Variants in KIAA1328 observed in about 807,000 individuals in gnomAD.
KIAA1328 encodes protein hinderin.
A neutral mutation model predicts 68.1 loss-of-function variants in KIAA1328; 52 were observed. That is an observed-to-expected ratio of 0.76 (90% CI 0.61 to 0.96). KIAA1328 has a LOEUF of 0.96. KIAA1328 is among the 40% of genes least tolerant of loss of function. The pLI is 0.00. For synonymous variants in KIAA1328, 232 were observed against 239.4 expected (o/e 0.97, Z 0.28); for missense variants, 641 against 677.6 (o/e 0.95, Z 0.60).
chr18:37,188,430 C>A (rs920132865), intron 9 of KIAA1328, among the ~76,000 whole-genome samples: 3 of 152,126 alleles, frequency 2.0e-5, no homozygotes, highest in Non-Finnish European at 4.4e-5. Context: ...AATGGTAATA[C>A]AAACCACCGA....
At chr18:36,897,883 T>C (rs550719345) in intron 5 of KIAA1328, among the ~76,000 whole-genome samples, 7 of 152,168 alleles carry the variant, frequency 4.6e-5, no homozygotes, top group Middle Eastern at 3.4e-3. Flanking sequence ...GGCAGCTTTT[T>C]CCCCCACTTA....
chr18:36,949,688 T>A (rs1449765928), intron 5 of KIAA1328, among the ~76,000 whole-genome samples: 1 of 140,690 alleles, frequency 7.1e-6, no homozygotes, highest in East Asian at 2.2e-4. Flanking sequence ...TTAAATACTC[T>A]AATTAGCTAT....
intron 7 of KIAA1328, among the ~76,000 whole-genome samples, chr18:37,115,818 T>A (rs1409203342): frequency 6.6e-6 from 1 of 152,214 alleles, no homozygotes; most frequent in African/African-American, 2.4e-5. Flanking sequence ...CAGCAAAGTC[T>A]CAGTATACAA....
chr18:36,928,193 T>G (rs977514242), intron 5 of KIAA1328, among the ~76,000 whole-genome samples: 1 of 152,150 alleles, frequency 6.6e-6, no homozygotes, highest in African/African-American at 2.4e-5. Flanking sequence ...AGTATGGTGG[T>G]GGTGATAGTG....
chr18:37,150,477 C>T (rs2154209811), intron 7 of KIAA1328, among the ~76,000 whole-genome samples: 1 of 152,054 alleles, frequency 6.6e-6, no homozygotes, highest in South Asian at 2.1e-4. Flanking sequence ...CTATTCTCAA[C>T]TTCTTTTGTG....
intron 7 of KIAA1328, among the ~76,000 whole-genome samples, chr18:37,067,760 G>A (rs1422938056): frequency 1.3e-5 from 2 of 151,950 alleles, no homozygotes; most frequent in South Asian, 2.1e-4. Flanking sequence ...GGGTTTCACT[G>A]TCTTGGCCAG....
At chr18:37,200,540 G>A (rs990744069) in intron 9 of KIAA1328, among the ~76,000 whole-genome samples, 9 of 152,018 alleles carry the variant, frequency 5.9e-5, no homozygotes, top group Admixed American at 2.6e-4. Flanking sequence ...GGCCGGGCGC[G>A]GTGGCTCACG....
chr18:36,834,253 C>T, intron 1 of KIAA1328, 67 bp from the exon 2 acceptor site: 1 of 1,393,998 alleles, frequency 7.2e-7, no homozygotes, highest in Non-Finnish European at 9.4e-7. Context: ...AAGAGGTATA[C>T]AGAACAGAAG....
intron 7 of KIAA1328, among the ~76,000 whole-genome samples, chr18:37,115,729 T>G (rs2058087138): frequency 6.6e-6 from 1 of 152,230 alleles, no homozygotes; most frequent in Admixed American, 6.5e-5. Flanking sequence ...AAATTGTCCC[T>G]GTTTGCAGAT....
intron 6 of KIAA1328, 100 bp downstream of exon 6, chr18:36,959,535 T>C (rs2051569344): frequency 3.0e-5 from 39 of 1,314,048 alleles, no homozygotes; most frequent in Non-Finnish European, 4.0e-5. Flanking sequence ...GTATATAATA[T>C]TGTTTTAAAA....
chr18:37,054,263 A>C (rs1369430123), intron 6 of KIAA1328, among the ~76,000 whole-genome samples: 1 of 152,188 alleles, frequency 6.6e-6, no homozygotes, highest in Non-Finnish European at 1.5e-5. Context: ...GATTTCTTAA[A>C]GAAGTAAAAC....
intron 7 of KIAA1328, among the ~76,000 whole-genome samples, chr18:37,098,799 T>C (rs1425982085): frequency 6.6e-6 from 1 of 152,224 alleles, no homozygotes; most frequent in Non-Finnish European, 1.5e-5. Flanking sequence ...TGGTTTTGTC[T>C]TGGGAGGGTG....
chr18:36,982,295 A>G (rs1032869691), intron 6 of KIAA1328, among the ~76,000 whole-genome samples: 20 of 151,166 alleles, frequency 1.3e-4, no homozygotes, highest in Admixed American at 7.9e-4. Flanking sequence ...GTGAACCTCA[A>G]ACACATGCAG....
At chr18:36,985,381 T>G (rs2052875687) in intron 6 of KIAA1328, among the ~76,000 whole-genome samples, 1 of 152,168 alleles carries the variant, frequency 6.6e-6, no homozygotes, top group Non-Finnish European at 1.5e-5. Context: ...TTGTAAAATT[T>G]ATATGGAAAT....
intron 7 of KIAA1328, among the ~76,000 whole-genome samples, chr18:37,105,916 CAAAAAAAAA>C (rs58940699): frequency 4.3e-3 from 83 of 19,504 alleles, no homozygotes; most frequent in South Asian, 0.018. Context: ...GACTCTGTGT[CAAAAAAAAA>C]AAAAAAAAAA....
At chr18:37,121,502 C>G (rs943840958) in intron 7 of KIAA1328, among the ~76,000 whole-genome samples, 1 of 151,824 alleles carries the variant, frequency 6.6e-6, no homozygotes, top group Non-Finnish European at 1.5e-5. Flanking sequence ...TTACAAATAA[C>G]CAATTGAGAC....
intron 7 of KIAA1328, among the ~76,000 whole-genome samples, chr18:37,119,612 T>G (rs2058214660): frequency 6.6e-6 from 1 of 152,164 alleles, no homozygotes; most frequent in Non-Finnish European, 1.5e-5. Flanking sequence ...CATCTGAACC[T>G]AATTACATCT....
intron 4 of KIAA1328, among the ~76,000 whole-genome samples, chr18:36,865,588 A>C (rs1016310532): frequency 2.0e-5 from 3 of 151,886 alleles, no homozygotes; most frequent in Non-Finnish European, 4.4e-5. Flanking sequence ...TTTGTTTAGT[A>C]ATCCTGTATG....
intron 9 of KIAA1328, among the ~76,000 whole-genome samples, chr18:37,184,722 G>C (rs2059762017): frequency 6.6e-6 from 1 of 151,980 alleles, no homozygotes; most frequent in Non-Finnish European, 1.5e-5. Context: ...TTTGTTTAGA[G>C]GTAAAAATCA....
Sources: allele counts gnomAD v4.1 joint callset (sites outside exome capture counted in the v4.1 genomes callset), GRCh38; gene constraint gnomAD v4.1.1; transcripts MANE v1.5; gene names NCBI Gene and HGNC (gene_info 2026-07-23, HGNC 2026-07-21).